The following INHBA variants were observed in gnomAD, a reference collection of about 807,000 sequenced individuals.
The protein encoded by INHBA is inhibin subunit beta A.
In INHBA, 1 loss-of-function variant was observed where a neutral mutation model predicts 29.0. The observed-to-expected ratio is 0.03, with a 90% confidence interval of 0.01 to 0.16. The LOEUF is 0.16. Among genes scored for constraint, INHBA ranks in the 10% least tolerant of loss-of-function variants. The pLI is 1.00. For synonymous variants in INHBA, 242 were observed against 216.8 expected (o/e 1.12, Z -1.02); for missense variants, 376 against 545.4 (o/e 0.69, Z 3.09).
chr7:41,694,345 T>A (rs762372574), intron 2 of INHBA, among the ~76,000 whole-genome samples: 1 of 152,216 alleles, frequency 6.6e-6, no homozygotes, highest in African/African-American at 2.4e-5. Flanking sequence ...ATTGCTATAC[T>A]GCAGTGACAC....
Position 41,700,474 on chromosome 7 carries a change from T to TTTA in INHBA, c.-101_-100insTAA, listed in dbSNP as rs1554287268. On this transcript the variant is annotated 5_prime_UTR_variant, in exon 2 of 3. Transcript: ENST00000242208. ...TTGTGTGTGTGGATTTTTTTATTTT[T>TTTA]TTTTTTGGTGTTTTTTTTTTCCTTC... The TTTA allele has an allele frequency of 3.8e-5, 46 of 1,213,184 alleles. No individual in the cohort carries two copies. The highest frequency in any genetic ancestry group is 2.7e-4 in the Middle Eastern group (1 of 3,666). 75.2% of individuals were successfully genotyped at this position (1,213,184 alleles called of 1,614,324 possible). A position where few individuals can be genotyped will look rare whatever the true frequency, so the allele number is the denominator to read the frequency against.
At chr7:41,699,853 A>C in intron 2 of INHBA, 134 bp downstream of exon 2, 2 of 651,900 alleles carry the variant, frequency 3.1e-6, no homozygotes, top group Non-Finnish European at 2.6e-6. Context: ...CGCTACCATC[A>C]CCTAATAACT....
chr7:41,705,082 T>C (rs1794885196), upstream of INHBA, among the ~76,000 whole-genome samples: 1 of 152,160 alleles, frequency 6.6e-6, no homozygotes, highest in Admixed American at 6.5e-5. Context: ...CAGGTTAAAA[T>C]AGCTTCTGTG....
At chr7:41,698,709 C>T (rs529889666) in intron 2 of INHBA, among the ~76,000 whole-genome samples, 2 of 152,282 alleles carry the variant, frequency 1.3e-5, no homozygotes, top group Non-Finnish European at 2.9e-5. Context: ...AAGGGGAAGC[C>T]ACACAGCCAG....
Position 41,699,975 on chromosome 7 carries a change from G to T in INHBA, c.388+12C>A. 1 of 1,309,170 alleles carries T rather than the reference G, an allele frequency of 7.6e-7. No homozygotes were observed. The highest frequency in any genetic ancestry group is 1.0e-6 in the Non-Finnish European group (1 of 1,000,476). The allele number at this position is 1,309,170 out of a possible 1,614,324, so 81.1% of individuals were successfully genotyped here. On this transcript the variant is annotated intron_variant, in intron 2 of 2. Transcript: ENST00000242208. ...CCACCCCTCCCCACCCCCTGCCAAT[G>T]CCAGCACCAACCTGACTCGGCAAAC... is the stretch of plus-strand genomic sequence containing the variant.
Position 41,686,752 on chromosome 7 carries a change from T to C in INHBA, c.*2898A>G, listed in dbSNP as rs1463665654. ...TAATCAACCCCCATGTTATCCCCGA[T>C]ATGTCTAGGACTTAGCTTAAAAAGA... is the stretch of plus-strand genomic sequence containing the variant. On this transcript the variant is annotated 3_prime_UTR_variant, in exon 3 of 3. Transcript: ENST00000242208. 6.6e-6 allele frequency: 1 copy of C among 152,194 alleles called. No homozygotes were observed. The highest frequency in any genetic ancestry group is 1.5e-5 in the Non-Finnish European group (1 of 68,024). The allele number at this position is 152,194 out of a possible 1,614,324, so 9.4% of individuals were successfully genotyped here.
At chr7:41,694,108 T>A (rs1467054420) in intron 2 of INHBA, 1 of 152,308 alleles carries the variant, frequency 6.6e-6, no homozygotes, top group South Asian at 2.1e-4. Context: ...ACAAGTTCTA[T>A]TGTATTCTGA....
chr7:41,692,177 T>G (rs1050683592), intron 2 of INHBA: 1 of 152,222 alleles, frequency 6.6e-6, no homozygotes, highest in Admixed American at 6.5e-5. Context: ...TCCCACTTGG[T>G]GGCATATAGA....
chr7:41,694,414 G>A lies in INHBA; in HGVS notation c.389-3872C>T, dbSNP rs116233979. 4.4e-3 allele frequency among the ~76,000 whole-genome samples: 674 copies of A among 152,292 alleles called. 3 individuals are homozygous for A. The highest frequency in any genetic ancestry group is 0.015 in the African/African-American group (639 of 41,564). ...ATAACAATTTGAAAAAGGGAAGGTT[G>A]ACTAAGGCTGGGATGTTCAGGATCA... On this transcript the variant is annotated intron_variant, in intron 2 of 2. Transcript: ENST00000242208.
chr7:41,691,006 G>A (rs1409278749), intron 2 of INHBA, among the ~76,000 whole-genome samples: 4 of 152,186 alleles, frequency 2.6e-5, no homozygotes, highest in South Asian at 2.1e-4. Flanking sequence ...GTCTGTGTCT[G>A]TTGACTAATT....
chr7:41,690,058 A>G lies in INHBA; in HGVS notation c.873T>C (p.Pro291=), dbSNP rs751955747. ...ADEEKEQSHR[P]FLMLQARQSE... ...ACTGCCGGGCCTGCAGCATGAGGAA[A>G]GGTCTGTGCGACTGCTCCTTTTCCT... The change falls in exon 3 of 3, where the codon CCT becomes CCC. Residue 291 remains proline (P), a synonymous_variant. Coordinates refer to ENST00000242208, the MANE Select transcript of INHBA (RefSeq NM_002192.4). 1 of 1,613,994 alleles carries G rather than the reference A, an allele frequency of 6.2e-7. No homozygotes were observed. The highest frequency in any genetic ancestry group is 8.5e-7 in the Non-Finnish European group (1 of 1,180,024).
chr7:41,704,937 A>G (rs1794880733), upstream of INHBA, among the ~76,000 whole-genome samples: 1 of 152,114 alleles, frequency 6.6e-6, no homozygotes, highest in South Asian at 2.1e-4. Context: ...TCCGCTGGCC[A>G]TCTGATGCCA....
Position 41,689,422 on chromosome 7 carries a change from C to G in INHBA, c.*228G>C, listed in dbSNP as rs2128669020. On this transcript the variant is annotated 3_prime_UTR_variant, in exon 3 of 3. Coordinates refer to ENST00000242208, the MANE Select transcript of INHBA (RefSeq NM_002192.4). ...TCCCTTTCCCTCCCAATTCCTGTCT[C>G]TTTCACTGCTTCATCTCTGAGCCCT... 2 of 482,606 alleles carry G rather than the reference C, an allele frequency of 4.1e-6. No homozygotes were observed. Among genetic ancestry groups the G allele is most frequent in the Non-Finnish European group, 3.6e-6 (1 of 277,616 alleles). 29.9% of individuals were successfully genotyped at this position (482,606 alleles called of 1,614,324 possible).
chr7:41,694,668 C>T (rs766492666), intron 2 of INHBA, among the ~76,000 whole-genome samples: 3 of 152,234 alleles, frequency 2.0e-5, no homozygotes, highest in South Asian at 2.1e-4. Context: ...TTTTCCCTCC[C>T]GAGGCTTGTG....
chr7:41,693,350 G>C (rs574487948), intron 2 of INHBA, among the ~76,000 whole-genome samples: 14 of 152,314 alleles, frequency 9.2e-5, no homozygotes, highest in African/African-American at 3.1e-4. Flanking sequence ...GTGCTGACCC[G>C]CATGCAGTGG....
At chr7:41,695,006 G>T (rs1394324243) in intron 2 of INHBA, among the ~76,000 whole-genome samples, 1 of 152,138 alleles carries the variant, frequency 6.6e-6, no homozygotes, top group East Asian at 1.9e-4. Flanking sequence ...AATCATGAAG[G>T]CATGGCAAGG....
upstream of INHBA, among the ~76,000 whole-genome samples, chr7:41,703,766 A>AACACAC (rs3030167): frequency 3.6e-3 from 535 of 148,092 alleles, 1 homozygote; most frequent in African/African-American, 0.011. Context: ...TAACTAACCA[A>AACACAC]ACACACACAC....
upstream of INHBA, among the ~76,000 whole-genome samples, chr7:41,704,857 A>G (rs1250024174): frequency 6.6e-6 from 1 of 152,088 alleles, no homozygotes; most frequent in Non-Finnish European, 1.5e-5. Flanking sequence ...GGCTGTTCTT[A>G]AACATGGGTG....
Position 41,686,089 on chromosome 7 carries a change from T to G in INHBA, c.*3561A>C, listed in dbSNP as rs1025030029. The G allele has an allele frequency of 1.3e-5, 2 of 152,114 alleles. No individual in the cohort carries two copies. Among genetic ancestry groups the G allele is most frequent in the African/African-American group, 4.8e-5 (2 of 41,440 alleles). 9.4% of individuals were successfully genotyped at this position (152,114 alleles called of 1,614,324 possible). ...ATGGTGAAAAAAAAATAGAAAGTAT[T>G]TGTTCTACCTTTAAGGAGACTGCAG... is the stretch of plus-strand genomic sequence containing the variant. On this transcript the variant is annotated 3_prime_UTR_variant, in exon 3 of 3. Coordinates refer to ENST00000242208, the MANE Select transcript of INHBA (RefSeq NM_002192.4).
Sources: gnomAD v4.1 joint callset for allele counts (sites outside exome capture counted in the v4.1 genomes callset) on GRCh38, gnomAD v4.1.1 for gene constraint, MANE v1.5 for transcripts, NCBI Gene and HGNC (gene_info 2026-07-23, HGNC 2026-07-21) for gene names.